CDH13: variants seen among roughly 807,000 people sequenced by gnomAD.
CDH13 encodes the protein cadherin-13.
In CDH13, 24 loss-of-function variants were observed where a neutral mutation model predicts 63.8. The ratio of observed to expected loss-of-function variants is 0.38; its 90% CI spans 0.27 to 0.53. The LOEUF is 0.53. Among genes scored for constraint, CDH13 ranks in the 20% least tolerant of loss-of-function variants. The pLI is 0.85. For synonymous variants in CDH13, 503 were observed against 355.3 expected, an observed-to-expected ratio of 1.42 and a Z score of -4.67; for missense variants, 1,049 against 903.1, an observed-to-expected ratio of 1.16 and a Z score of -2.07.
intron 5 of CDH13, among the ~76,000 whole-genome samples, chr16:83,264,151 T>C (rs949447608): frequency 3.9e-5 from 6 of 152,216 alleles, no homozygotes; most frequent in African/African-American, 1.4e-4. Flanking sequence ...ATAGCAGACA[T>C]AGGGTATAAA....
intron 1 of CDH13, among the ~76,000 whole-genome samples, chr16:82,672,512 G>T (rs1464390095): frequency 3.3e-5 from 5 of 151,756 alleles, no homozygotes; most frequent in Non-Finnish European, 7.4e-5. Flanking sequence ...AAATCACCCG[G>T]ATTCGAAACG....
intron 10 of CDH13, among the ~76,000 whole-genome samples, chr16:83,715,211 C>G (rs1191722566): frequency 6.6e-6 from 1 of 152,190 alleles, no homozygotes; most frequent in Non-Finnish European, 1.5e-5. Context: ...ATCACTTGGG[C>G]TATTCCCGTA....
chr16:83,508,851 T>C (rs190359865), intron 7 of CDH13, among the ~76,000 whole-genome samples: 97 of 152,346 alleles, frequency 6.4e-4, no homozygotes, highest in African/African-American at 2.0e-3. Context: ...ATTTTAGATA[T>C]CTTGTAACAG....
intron 10 of CDH13, among the ~76,000 whole-genome samples, chr16:83,697,562 A>G (rs925267164): frequency 6.6e-6 from 1 of 152,182 alleles, no homozygotes; most frequent in African/African-American, 2.4e-5. Flanking sequence ...TTTAAGCAGA[A>G]GTGCACATAA....
At chr16:83,559,654 C>T (rs759186508) in intron 7 of CDH13, among the ~76,000 whole-genome samples, 2 of 151,346 alleles carry the variant, frequency 1.3e-5, no homozygotes, top group Non-Finnish European at 2.9e-5. Context: ...AGGGAGGGAG[C>T]GAGGGAAGGA....
chr16:83,738,584 T>C (rs747853736), intron 10 of CDH13, among the ~76,000 whole-genome samples: 7 of 152,198 alleles, frequency 4.6e-5, no homozygotes, highest in Non-Finnish European at 1.0e-4. Context: ...CCAGCTTCCT[T>C]GGGGGTTTCA....
intron 7 of CDH13, among the ~76,000 whole-genome samples, chr16:83,492,268 C>G (rs114840309): frequency 1.5e-3 from 233 of 152,302 alleles, no homozygotes; most frequent in African/African-American, 5.5e-3. Context: ...TAGTCATACT[C>G]TTAGGAAAAT....
chr16:82,837,536 A>C (rs975641961), intron 1 of CDH13, among the ~76,000 whole-genome samples: 2 of 152,160 alleles, frequency 1.3e-5, no homozygotes, highest in Admixed American at 6.5e-5. Flanking sequence ...ATACAAAATG[A>C]AATCAGCAAA....
chr16:82,972,275 A>G (rs1469456511), intron 2 of CDH13, among the ~76,000 whole-genome samples: 2 of 152,214 alleles, frequency 1.3e-5, no homozygotes, highest in Non-Finnish European at 2.9e-5. Flanking sequence ...CAGACCAAGC[A>G]TAATATTCAG....
intron 1 of CDH13, among the ~76,000 whole-genome samples, chr16:82,851,949 G>A (rs1349244806): frequency 6.6e-6 from 1 of 152,136 alleles, no homozygotes; most frequent in Non-Finnish European, 1.5e-5. Context: ...ATGTTTTATG[G>A]CAGGGATAAA....
At chr16:83,149,780 G>A (rs918007410) in intron 4 of CDH13, among the ~76,000 whole-genome samples, 8 of 152,172 alleles carry the variant, frequency 5.3e-5, no homozygotes, top group African/African-American at 1.9e-4. Flanking sequence ...TGCACCAGCG[G>A]TACATATCTC....
At chr16:83,773,181 T>G (rs1239972530) in intron 11 of CDH13, among the ~76,000 whole-genome samples, 1 of 152,078 alleles carries the variant, frequency 6.6e-6, no homozygotes, top group African/African-American at 2.4e-5. Context: ...TGGTCCTGGG[T>G]TGCAAAACTA....
intron 6 of CDH13, among the ~76,000 whole-genome samples, chr16:83,352,002 T>G (rs2090960946): frequency 6.6e-6 from 1 of 152,202 alleles, no homozygotes; most frequent in South Asian, 2.1e-4. Context: ...TTGCTGGATA[T>G]TGTGGTGGAG....
At chr16:83,656,449 C>T (rs1912877756) in intron 8 of CDH13, among the ~76,000 whole-genome samples, 2 of 152,094 alleles carry the variant, frequency 1.3e-5, no homozygotes, top group African/African-American at 4.8e-5. Flanking sequence ...ATCCTGGATA[C>T]AGGGCAGAGT....
intron 4 of CDH13, among the ~76,000 whole-genome samples, chr16:83,209,859 G>A (rs79627451): frequency 0.027 from 4,158 of 152,056 alleles, 79 homozygotes; most frequent in Middle Eastern, 0.058. Flanking sequence ...GTAAGTAATC[G>A]CCGGCACCAA....
intron 2 of CDH13, among the ~76,000 whole-genome samples, chr16:82,910,110 A>C (rs572629139): frequency 6.6e-6 from 1 of 152,290 alleles, no homozygotes; most frequent in African/African-American, 2.4e-5. Flanking sequence ...GCATCCCATC[A>C]AATGCCGATG....
At position 83,652,411 on chromosome 16, in the gene CDH13, A is replaced by G. The variant is rs1192364704; in HGVS notation, c.1102-18379A>G. 2.0e-5 allele frequency among the ~76,000 whole-genome samples: 3 copies of G among 152,178 alleles called. No homozygotes were observed. In the East Asian group the frequency reaches 5.8e-4, roughly 29 times the overall value. The stretch of plus-strand genomic sequence containing the variant: ...GATTAGACATGTGCTTTCTCCAGTT[A>G]GAGACGGCTGTGAGTGCCATGCTGG... On this transcript the variant is annotated intron_variant, in intron 8 of 13. Coordinates refer to ENST00000567109, the MANE Select transcript of CDH13 (RefSeq NM_001257.5).
At chr16:83,075,881 G>A (rs1002227705) in intron 3 of CDH13, among the ~76,000 whole-genome samples, 1 of 152,138 alleles carries the variant, frequency 6.6e-6, no homozygotes, top group Non-Finnish European at 1.5e-5. Flanking sequence ...ACATATTCAT[G>A]GGCAGAATTG....
At chr16:83,082,707 C>G (rs1220337162) in intron 3 of CDH13, among the ~76,000 whole-genome samples, 1 of 152,052 alleles carries the variant, frequency 6.6e-6, no homozygotes. Context: ...TGGACTAAAG[C>G]CTCAAAGAGG....
Sources: gnomAD v4.1 joint callset for allele counts (sites outside exome capture counted in the v4.1 genomes callset) on GRCh38, gnomAD v4.1.1 for gene constraint, MANE v1.5 for transcripts, NCBI Gene and HGNC (gene_info 2026-07-23, HGNC 2026-07-21) for gene names.